CNNM2: variants seen among roughly 807,000 people sequenced by gnomAD.
The protein encoded by CNNM2 is metal transporter CNNM2.
In CNNM2, 12 loss-of-function variants were observed where a neutral mutation model predicts 66.9. The ratio of observed to expected loss-of-function variants is 0.18; its 90% CI spans 0.11 to 0.29. The LOEUF (loss-of-function observed/expected upper bound fraction) is 0.29. Ranked by LOEUF, CNNM2 falls within the 10% of genes least tolerant of loss-of-function variation. The probability of loss-of-function intolerance (pLI) is 1.00; values close to 1 mark genes in which losing one functional copy is unlikely to be tolerated. For synonymous variants in CNNM2, 557 were observed against 501.8 expected, an observed-to-expected ratio of 1.11 and a Z score of -1.47; for missense variants, 705 against 1,167.7, an observed-to-expected ratio of 0.60 and a Z score of 5.77.
At chr10:102,968,861 A>G (rs1243820103) in intron 1 of CNNM2, among the ~76,000 whole-genome samples, 6 of 150,922 alleles carry the variant, frequency 4.0e-5, no homozygotes, top group Admixed American at 6.6e-5. Flanking sequence ...TTGGCTTCTC[A>G]AAGTGCTGGG....
intron 1 of CNNM2, among the ~76,000 whole-genome samples, chr10:103,012,798 A>G (rs181193276): frequency 1.1e-4 from 16 of 152,274 alleles, no homozygotes; most frequent in African/African-American, 3.9e-4. Context: ...ATAGTGAAAT[A>G]TGGTTAAGTA....
intron 1 of CNNM2, among the ~76,000 whole-genome samples, chr10:102,992,727 T>C (rs1029982763): frequency 6.6e-6 from 1 of 152,190 alleles, no homozygotes; most frequent in African/African-American, 2.4e-5. Flanking sequence ...CCTGCCTCGG[T>C]ACCACAGTAG....
At chr10:102,968,377 G>C (rs111777067) in intron 1 of CNNM2, among the ~76,000 whole-genome samples, 1 of 152,098 alleles carries the variant, frequency 6.6e-6, no homozygotes, top group Non-Finnish European at 1.5e-5. Context: ...CTCCCAAGTA[G>C]CTGGGACTAC....
intron 6 of CNNM2, among the ~76,000 whole-genome samples, chr10:103,075,573 C>T (rs912260496): frequency 2.6e-5 from 4 of 152,070 alleles, no homozygotes; most frequent in Admixed American, 2.6e-4. Flanking sequence ...GGGTCAGAGA[C>T]GAAGATAATA....
intron 1 of CNNM2, among the ~76,000 whole-genome samples, chr10:103,001,371 A>G (rs758302758): frequency 1.2e-4 from 19 of 152,194 alleles, no homozygotes; most frequent in Non-Finnish European, 1.9e-4. Flanking sequence ...ATTGGGGGAA[A>G]AAATCTTATT....
rs186405205 is a variant in CNNM2 at position 102,985,988 on chromosome 10, T to A, written c.1622-63719T>A. ...GGTGCCAAAGTGATTGCACCTTACC[T>A]CCAGACCATGTCTGTGCTTGCCCTG... On this transcript the variant is annotated intron_variant, in intron 1 of 7. Coordinates refer to ENST00000369878, the MANE Select transcript of CNNM2 (RefSeq NM_017649.5). Among the ~76,000 whole-genome samples, 6 of 152,290 alleles carry A rather than the reference T, an allele frequency of 3.9e-5. No individual in the cohort carries two copies. In the East Asian group the frequency reaches 1.2e-3, roughly 29 times the overall value.
At chr10:103,013,628 T>C (rs2064387797) in intron 1 of CNNM2, among the ~76,000 whole-genome samples, 3 of 152,170 alleles carry the variant, frequency 2.0e-5, no homozygotes, top group Non-Finnish European at 4.4e-5. Context: ...ACGCAAACAG[T>C]GCTTTCTAAA....
At chr10:102,935,706 G>A (rs933685747) in intron 1 of CNNM2, among the ~76,000 whole-genome samples, 14 of 146,524 alleles carry the variant, frequency 9.6e-5, no homozygotes, top group African/African-American at 2.8e-4. Context: ...GACTAGCAGC[G>A]CTCAAGTGAT....
intron 6 of CNNM2, 88 bp downstream of exon 6, chr10:103,071,927 C>A: frequency 9.1e-7 from 1 of 1,103,018 alleles, no homozygotes; most frequent in Non-Finnish European, 1.4e-6. Flanking sequence ...GCTCCCTTTA[C>A]CTGGACAGGC....
intron 1 of CNNM2, among the ~76,000 whole-genome samples, chr10:102,991,480 A>G (rs1440977349): frequency 6.6e-6 from 1 of 152,176 alleles, no homozygotes; most frequent in Non-Finnish European, 1.5e-5. Flanking sequence ...ATCTGATCTT[A>G]GGATTTGAAC....
At chr10:102,951,969 A>G (rs1846853322) in intron 1 of CNNM2, among the ~76,000 whole-genome samples, 1 of 151,886 alleles carries the variant, frequency 6.6e-6, no homozygotes, top group African/African-American at 2.4e-5. Context: ...ACACCCGGCT[A>G]ATTTTGTATT....
At chr10:103,063,760 A>G (rs1311723986) in intron 4 of CNNM2, among the ~76,000 whole-genome samples, 3 of 152,288 alleles carry the variant, frequency 2.0e-5, no homozygotes, top group Middle Eastern at 3.4e-3. Context: ...GGAATTCATC[A>G]TGTCCTGTCC....
At chr10:102,973,796 A>G (rs983764272) in intron 1 of CNNM2, among the ~76,000 whole-genome samples, 2 of 150,842 alleles carry the variant, frequency 1.3e-5, no homozygotes, top group Non-Finnish European at 1.5e-5. Context: ...TTGATAAGCT[A>G]ACAGCATCTT....
chr10:102,944,259 A>G (rs534382193), intron 1 of CNNM2, among the ~76,000 whole-genome samples: 4 of 151,778 alleles, frequency 2.6e-5, no homozygotes, highest in Non-Finnish European at 5.9e-5. Flanking sequence ...TTGTATTTTT[A>G]ATAAAGATGG....
At chr10:102,985,495 C>T (rs1305044642) in intron 1 of CNNM2, among the ~76,000 whole-genome samples, 1 of 152,186 alleles carries the variant, frequency 6.6e-6, no homozygotes, top group Non-Finnish European at 1.5e-5. Flanking sequence ...TGGTCCCTTT[C>T]TTCCAAGGGA....
chr10:103,010,174 G>C (rs1007467751), intron 1 of CNNM2, among the ~76,000 whole-genome samples: 4 of 151,824 alleles, frequency 2.6e-5, no homozygotes, highest in African/African-American at 9.7e-5. Context: ...ATAGAAACAT[G>C]TTCATATACA....
At chr10:103,023,543 T>C (rs1229331261) in intron 1 of CNNM2, among the ~76,000 whole-genome samples, 1 of 152,088 alleles carries the variant, frequency 6.6e-6, no homozygotes, top group African/African-American at 2.4e-5. Flanking sequence ...AGTGAAACTC[T>C]GTTCCCCCCT....
rs537721268 is a variant in CNNM2, at chr10:103,062,784, G to A, written c.2073+5820G>A. ...ACTTTGAATGTTTCTACAGTGTGTCGTGCTATTATTTGGCCTCCACTGGGT... is the reference window on the plus strand; with the variant it reads ...ACTTTGAATGTTTCTACAGTGTGTCATGCTATTATTTGGCCTCCACTGGGT... On this transcript the variant is annotated intron_variant, in intron 4 of 7. Transcript: ENST00000369878. 2.4e-4 allele frequency among the ~76,000 whole-genome samples: 37 copies of A among 152,254 alleles called. No homozygotes were observed. The South Asian group carries it at 3.9e-3, about 16-fold the overall frequency.
chr10:103,063,024 G>T (rs1443360714), intron 4 of CNNM2, among the ~76,000 whole-genome samples: 1 of 152,212 alleles, frequency 6.6e-6, no homozygotes, highest in Admixed American at 6.5e-5. Context: ...TAGCTGTGAT[G>T]CTCCAAGTAA....
Sources: gnomAD v4.1 joint callset for allele counts (sites outside exome capture counted in the v4.1 genomes callset) on GRCh38, gnomAD v4.1.1 for gene constraint, MANE v1.5 for transcripts, NCBI Gene and HGNC (gene_info 2026-07-23, HGNC 2026-07-21) for gene names.